The following HCK variants were observed in gnomAD, a reference collection of about 807,000 sequenced individuals.
HCK encodes HCK proto-oncogene, Src family tyrosine kinase.
HCK carries 40 observed loss-of-function variants against 70.4 expected under a neutral mutation model. The observed-to-expected ratio is 0.57, with a 90% CI of 0.44 to 0.74. HCK has a LOEUF of 0.74. Ranked by LOEUF, HCK falls within the 30% of genes least tolerant of loss-of-function variation. The probability of loss-of-function intolerance (pLI) is 0.00; values close to 1 mark genes in which losing one functional copy is unlikely to be tolerated. For missense variants in HCK, 568 were observed against 697.2 expected, an observed-to-expected ratio of 0.81 and a Z score of 2.09; for synonymous variants, 245 against 263.2, an observed-to-expected ratio of 0.93 and a Z score of 0.67.
In HCK at chr20:32,074,695, C is replaced by A; in HGVS notation, c.402C>A (p.Ala134=). 6.2e-7 allele frequency: 1 copy of A among 1,613,938 alleles called. No homozygotes were observed. Among genetic ancestry groups the A allele is most frequent in the Non-Finnish European group, 8.5e-7 (1 of 1,179,808 alleles). The change falls in exon 5 of 13, where the codon GCC becomes GCA. Residue 134 remains alanine (A), a synonymous_variant. Transcript: ENST00000375852. The stretch of plus-strand genomic sequence containing the variant: ...GCTACATCCCAAGCAACTATGTCGC[C>A]CGCGTTGACTCTCTGGAGACAGAGG...
intron 1 of HCK, among the ~76,000 whole-genome samples, chr20:32,057,784 C>A (rs187161062): frequency 1.1e-4 from 16 of 152,212 alleles, no homozygotes; most frequent in Admixed American, 7.9e-4. Context: ...CTAAACAAAC[C>A]CCACCACATG....
chr20:32,093,539 GTGTA>G (rs2045893471), intron 10 of HCK, among the ~76,000 whole-genome samples: 1 of 151,872 alleles, frequency 6.6e-6, no homozygotes, highest in Non-Finnish European at 1.5e-5. Context: ...GCACGTGTGT[GTGTA>G]TGTGTGTTCC....
rs2122540080 is a variant in HCK, at chr20:32,074,694, C to T, written c.401C>T (p.Ala134Val). Residue 134 changes from alanine (A) to valine (V), a missense_variant, in exon 5 of 13, where the codon GCC becomes GTC. This residue lies in a region of HCK where 318 missense variants were observed against 336.0 expected (regional missense o/e 0.95). Transcript: ENST00000375852. ...GGCTACATCCCAAGCAACTATGTCG[C>T]CCGCGTTGACTCTCTGGAGACAGAG... 1 of 1,613,862 alleles carries T rather than the reference C, an allele frequency of 6.2e-7. No homozygotes were observed. The highest frequency in any genetic ancestry group is 8.5e-7 in the Non-Finnish European group (1 of 1,179,752).
At chr20:32,065,879 G>A (rs992516109) in intron 1 of HCK, among the ~76,000 whole-genome samples, 1 of 152,210 alleles carries the variant, frequency 6.6e-6, no homozygotes, top group Non-Finnish European at 1.5e-5. Flanking sequence ...AAGAGGGACA[G>A]ATGCTGAGGA....
rs1028191569 is a variant in HCK, at chr20:32,054,667, A to G, written c.62+2181A>G. ...TAAAAATACAAAAAATTAGCCGGGC[A>G]TGGTGGCGGGCGCCTGTAGTCCCAG... On this transcript the variant is annotated intron_variant, in intron 1 of 12. Transcript: ENST00000375852. Among the ~76,000 whole-genome samples, 10 of 150,978 alleles carry G rather than the reference A, an allele frequency of 6.6e-5. No homozygotes were observed. In the East Asian group the frequency reaches 1.4e-3, roughly 21 times the overall value.
At chr20:32,066,090 C>G (rs539582841) in intron 1 of HCK, among the ~76,000 whole-genome samples, 1 of 152,026 alleles carries the variant, frequency 6.6e-6, no homozygotes, top group Non-Finnish European at 1.5e-5. Flanking sequence ...TAAACTCACT[C>G]AAACCACTTT....
chr20:32,053,030 C>A (rs1185710671), intron 1 of HCK, among the ~76,000 whole-genome samples: 1 of 152,160 alleles, frequency 6.6e-6, no homozygotes, highest in Non-Finnish European at 1.5e-5. Context: ...AACCCCCAAA[C>A]CTCCTGGCCC....
intron 3 of HCK, 32 bp downstream of exon 3, chr20:32,073,393 A>G (rs1194790377): frequency 1.3e-6 from 2 of 1,588,390 alleles, no homozygotes; most frequent in Admixed American, 1.7e-5. Flanking sequence ...CAGTGGAGTC[A>G]TGTGTCCTGC....
intron 1 of HCK, among the ~76,000 whole-genome samples, chr20:32,056,529 A>AC (rs2045275351): frequency 6.6e-6 from 1 of 151,630 alleles, no homozygotes; most frequent in Admixed American, 6.6e-5. Context: ...AAAAAAAAAA[A>AC]CAGTAGTTCT....
In HCK at chr20:32,099,137, T is replaced by C; in HGVS notation, c.1378+2T>C. ...CCTACGGCCGGATCCCTTACCCAGG[T>C]AGGGAAGGGGCATCAGCTCAGGGCT... is the stretch of plus-strand genomic sequence containing the variant. On this transcript the variant is annotated splice_donor_variant, in intron 12 of 12. Coordinates refer to ENST00000375852, the MANE Select transcript of HCK (RefSeq NM_002110.5). LOFTEE classifies it high-confidence loss of function. 1 of 1,613,734 alleles carries C rather than the reference T, an allele frequency of 6.2e-7. No individual in the cohort carries two copies. The highest frequency in any genetic ancestry group is 8.5e-7 in the Non-Finnish European group (1 of 1,179,764).
chr20:32,098,562 C>G lies in HCK; in HGVS notation c.1247-442C>G, dbSNP rs1271258613. 2.6e-5 allele frequency among the ~76,000 whole-genome samples: 4 copies of G among 152,248 alleles called. No individual in the cohort carries two copies. The East Asian group carries it at 7.7e-4, about 29-fold the overall frequency. On this transcript the variant is annotated intron_variant, in intron 11 of 12. Coordinates refer to ENST00000375852, the MANE Select transcript of HCK (RefSeq NM_002110.5). ...GAGGAAGGGCGGGTAAAGGGAGAGA[C>G]ACATAGTGACTGGTGGGAACCTCAT... is the stretch of plus-strand genomic sequence containing the variant.
At chr20:32,083,807 G>A (rs942973113) in intron 6 of HCK, 87 bp from the exon 7 acceptor site, 63 of 1,501,100 alleles carry the variant, frequency 4.2e-5, no homozygotes, top group Middle Eastern at 2.2e-4. Flanking sequence ...CGGTGCCAGC[G>A]GTAGCCTTAC....
chr20:32,100,275 C>T (rs761659379), intron 12 of HCK, among the ~76,000 whole-genome samples: 3 of 152,066 alleles, frequency 2.0e-5, no homozygotes, highest in Non-Finnish European at 4.4e-5. Flanking sequence ...CATTTTTAAG[C>T]GATGCTTTCA....
In HCK at chr20:32,083,976, C is replaced by T. The variant is rs986847689; in HGVS notation, c.615C>T (p.Asn205=). The T allele has an allele frequency of 6.2e-6, 10 of 1,614,058 alleles. No individual in the cohort carries two copies. Among genetic ancestry groups the T allele is most frequent in the South Asian group, 1.1e-5 (1 of 91,084 alleles). Residue 205 remains asparagine, a synonymous_variant, in exon 7 of 13, where the codon AAC becomes AAT. Transcript: ENST00000375852. The stretch of plus-strand genomic sequence containing the variant: ...ATTACAAGATCCGGACCCTGGACAA[C>T]GGGGGCTTCTACATATCCCCCCGAA...
intron 12 of HCK, among the ~76,000 whole-genome samples, chr20:32,099,350 C>CTTTTTTTTTTTTTTTTTTTTTTTT (rs71336559): frequency 1.2e-4 from 10 of 85,172 alleles, no homozygotes; most frequent in African/African-American, 6.4e-4. Flanking sequence ...ACTCCTATGA[C>CTTTTTTTTTTTTTTTTTTTTTTTT]TTTTTTTTTT....
intron 1 of HCK, among the ~76,000 whole-genome samples, chr20:32,060,958 A>AT (rs369319334): frequency 2.3e-3 from 342 of 148,720 alleles, no homozygotes; most frequent in African/African-American, 6.6e-3. Flanking sequence ...GCCATGCCGT[A>AT]TTTTTTTTTT....
At chr20:32,056,124 T>C (rs550098323) in intron 1 of HCK, among the ~76,000 whole-genome samples, 1 of 152,370 alleles carries the variant, frequency 6.6e-6, no homozygotes, top group Non-Finnish European at 1.5e-5. Context: ...ATAATACTGC[T>C]ATGAGCATGC....
At chr20:32,084,245 C>A in intron 7 of HCK, 146 bp from the exon 8 acceptor site, 1 of 1,065,898 alleles carries the variant, frequency 9.4e-7, no homozygotes, top group Non-Finnish European at 1.3e-6. Flanking sequence ...CCCCGTCACA[C>A]TCTGCTTGCT....
intron 1 of HCK, among the ~76,000 whole-genome samples, chr20:32,064,203 C>T (rs2045423370): frequency 6.6e-6 from 1 of 151,870 alleles, no homozygotes; most frequent in Non-Finnish European, 1.5e-5. Flanking sequence ...TGGGGTTTCA[C>T]CATGTTGGAC....
Sources: allele counts gnomAD v4.1 joint callset (sites outside exome capture counted in the v4.1 genomes callset), GRCh38; gene constraint gnomAD v4.1.1; regional missense constraint gnomAD v4.1.1; transcripts MANE v1.5; gene names NCBI Gene and HGNC (gene_info 2026-07-23, HGNC 2026-07-21).